TEX11: variants seen among roughly 807,000 people sequenced by gnomAD.
TEX11 encodes testis-expressed protein 11.
Under a neutral mutation model 84.4 loss-of-function variants are expected in TEX11, and 7 were observed. The ratio of observed to expected loss-of-function variants is 0.08; its 90% confidence interval spans 0.05 to 0.16. The LOEUF (loss-of-function observed/expected upper bound fraction) is 0.16. Ranked by LOEUF, TEX11 falls within the 10% of genes least tolerant of loss-of-function variation. The pLI, the probability that TEX11 is intolerant of heterozygous loss-of-function variation, is 1.00. For synonymous variants in TEX11, 264 were observed against 222.8 expected (o/e 1.18, Z -1.64); for missense variants, 551 against 660.5 (o/e 0.83, Z 1.82).
intron 13 of TEX11, among the ~76,000 whole-genome samples, chrX:70,707,602 T>C (rs1448715470): frequency 9.0e-6 from 1 of 111,438 alleles, no homozygotes; most frequent in Non-Finnish European, 1.9e-5. Flanking sequence ...ACATTTCTCA[T>C]ATTCTGAATT....
chrX:70,596,148 G>A (rs1166940034), intron 24 of TEX11, among the ~76,000 whole-genome samples: 3 of 111,528 alleles, frequency 2.7e-5, no homozygotes, highest in African/African-American at 6.5e-5. Flanking sequence ...GCAAAACTGG[G>A]TAGAATTGAA....
chrX:70,570,801 A>C (rs1201065128), intron 25 of TEX11, among the ~76,000 whole-genome samples: 1 of 111,601 alleles, frequency 9.0e-6, no homozygotes, highest in Non-Finnish European at 1.9e-5. Flanking sequence ...GAATTTGTCC[A>C]TTTTGTCCAA....
intron 9 of TEX11, among the ~76,000 whole-genome samples, chrX:70,770,727 T>C (rs2090967390): frequency 9.1e-6 from 1 of 109,817 alleles, no homozygotes; most frequent in Non-Finnish European, 1.9e-5. Context: ...AAATTTAAAA[T>C]AAAAAAAAAG....
chrX:70,518,509 C>T, the TEX11 span, among the ~76,000 whole-genome samples: 1 of 111,945 alleles, frequency 8.9e-6, no homozygotes, highest in Non-Finnish European at 1.9e-5. Context: ...AATTTCTGTT[C>T]TTTTACATTT....
intron 13 of TEX11, among the ~76,000 whole-genome samples, chrX:70,714,757 C>T (rs1389372240): frequency 1.1e-4 from 12 of 111,585 alleles, no homozygotes; most frequent in Non-Finnish European, 1.9e-4. Context: ...ATTTGCCAGT[C>T]TGTGTCTTTT....
chrX:70,900,334 G>A (rs4844275), intron 2 of TEX11, among the ~76,000 whole-genome samples: 8,603 of 99,190 alleles, frequency 0.087, 588 homozygotes, highest in Admixed American at 0.26. Context: ...AACAGAGATC[G>A]TGCCACTGCG....
chrX:70,521,823 G>C, the TEX11 span, among the ~76,000 whole-genome samples: 11 of 111,384 alleles, frequency 9.9e-5, no homozygotes, highest in Non-Finnish European at 2.1e-4. Flanking sequence ...GGTAGCATGA[G>C]GGAAAAGAGT....
At chrX:70,785,308 C>T (rs1447760127) in intron 9 of TEX11, among the ~76,000 whole-genome samples, 4 of 111,857 alleles carry the variant, frequency 3.6e-5, no homozygotes, top group Admixed American at 9.5e-5. Flanking sequence ...TTCCATACAG[C>T]TTATACAAAA....
chrX:70,720,954 C>T (rs2147717752), intron 13 of TEX11, among the ~76,000 whole-genome samples: 1 of 110,371 alleles, frequency 9.1e-6, no homozygotes, highest in East Asian at 2.8e-4. Flanking sequence ...ATTCCTTCTA[C>T]TACAGTAATA....
intron 7 of TEX11, among the ~76,000 whole-genome samples, chrX:70,840,109 A>G (rs930589453): frequency 9.0e-6 from 1 of 111,519 alleles, no homozygotes; most frequent in Non-Finnish European, 1.9e-5. Context: ...CCAACATTCA[A>G]ATTCAGGAAA....
chrX:70,539,479 C>T (rs1470581765), intron 28 of TEX11, among the ~76,000 whole-genome samples: 1 of 110,894 alleles, frequency 9.0e-6, no homozygotes, highest in African/African-American at 3.3e-5. Context: ...ACCTTAGCTT[C>T]CCTTGTAAAA....
At chrX:70,813,610 A>C (rs2091270119) in intron 8 of TEX11, among the ~76,000 whole-genome samples, 1 of 111,368 alleles carries the variant, frequency 9.0e-6, no homozygotes, top group African/African-American at 3.3e-5. Flanking sequence ...GCAATCAGGC[A>C]GGAGAAAGAA....
At chrX:70,641,942 G>A (rs2089665224) in intron 17 of TEX11, among the ~76,000 whole-genome samples, 1 of 111,181 alleles carries the variant, frequency 9.0e-6, no homozygotes. Flanking sequence ...AGGAAATAGA[G>A]ACACAAAAAA....
chrX:70,723,142 T>C (rs1349801469), intron 12 of TEX11, among the ~76,000 whole-genome samples: 1 of 111,988 alleles, frequency 8.9e-6, no homozygotes, highest in African/African-American at 3.2e-5. Context: ...GTATGGAAAT[T>C]ATATAGCAAA....
rs764706779 is a variant in TEX11, at chrX:70,860,871, G to C, written c.310C>G (p.Gln104Glu). The C allele has an allele frequency of 2.5e-6, 3 of 1,192,036 alleles. No individual in the cohort carries two copies. In the South Asian group the frequency reaches 5.5e-5, roughly 22 times the overall value. The part of the protein sequence containing the change: ...EASFASEQSI[Q>E]RLIMMNMRIG... ...TTAAGACTTACCATAATCAGTCGTT[G>C]AATACTTTGTTCTGAGGCAAATGAG... The change falls in exon 5 of 30, where the codon CAA becomes GAA. Residue 104 changes from glutamine (Q) to glutamate (E), a missense_variant. Transcript: ENST00000374333.
intron 11 of TEX11, among the ~76,000 whole-genome samples, chrX:70,727,266 C>T (rs1463985768): frequency 9.0e-6 from 1 of 111,698 alleles, no homozygotes; most frequent in Non-Finnish European, 1.9e-5. Flanking sequence ...GGCATTACTA[C>T]ACTATCTGGA....
intron 5 of TEX11, among the ~76,000 whole-genome samples, chrX:70,856,576 A>T (rs1402505590): frequency 9.0e-6 from 1 of 110,867 alleles, no homozygotes; most frequent in African/African-American, 3.3e-5. Context: ...TTTTTATTGT[A>T]TTGTTATCTT....
At chrX:70,845,188 G>A (rs566681726) in intron 7 of TEX11, among the ~76,000 whole-genome samples, 2 of 110,553 alleles carry the variant, frequency 1.8e-5, no homozygotes, top group African/African-American at 6.6e-5. Flanking sequence ...TTTTGAGAGG[G>A]AATCTCACTG....
At chrX:70,639,815 G>A in intron 17 of TEX11, among the ~76,000 whole-genome samples, 1 of 111,275 alleles carries the variant, frequency 9.0e-6, no homozygotes, top group Admixed American at 9.6e-5. Context: ...CACAAAGATG[G>A]GGAAAAAACA....
Sources: allele counts gnomAD v4.1 joint callset (sites outside exome capture counted in the v4.1 genomes callset), GRCh38; gene constraint gnomAD v4.1.1; transcripts MANE v1.5; gene names NCBI Gene and HGNC (gene_info 2026-07-23, HGNC 2026-07-21).